The following MAPKBP1 variants were observed in gnomAD, a reference collection of about 807,000 sequenced individuals.
MAPKBP1 encodes the protein mitogen-activated protein kinase binding protein 1.
In MAPKBP1, 71 loss-of-function variants were observed where a neutral mutation model predicts 170.5. That is an observed-to-expected ratio of 0.42 (90% confidence interval 0.34 to 0.51). The LOEUF (loss-of-function observed/expected upper bound fraction) is 0.51, where lower values mean the gene tolerates loss of function less well. MAPKBP1 is among the 20% of genes least tolerant of loss of function. The pLI, the probability that MAPKBP1 is intolerant of heterozygous loss-of-function variation, is 0.06. For synonymous variants in MAPKBP1, 719 were observed against 757.9 expected, an observed-to-expected ratio of 0.95 and a Z score of 0.84; for missense variants, 1,598 against 1,933.0, an observed-to-expected ratio of 0.83 and a Z score of 3.25.
chr15:41,788,679 A>G (rs1318696886), intron 2 of MAPKBP1, among the ~76,000 whole-genome samples: 2 of 152,234 alleles, frequency 1.3e-5, no homozygotes, highest in Non-Finnish European at 2.9e-5. Context: ...AATAGTCCAG[A>G]TTGACAGATG....
rs2064062675 is a variant in MAPKBP1, at chr15:41,774,572, G to A, written c.-148G>A. ...TGAAATTGCCGAACGCGATGCCCGA[G>A]GGCGCTGTGAGCGGGGTGGCCTTAG... On this transcript the variant is annotated 5_prime_UTR_variant, in exon 1 of 31. Coordinates refer to ENST00000457542, the MANE Select transcript of MAPKBP1 (RefSeq NM_014994.3). 3 of 398,708 alleles carry A rather than the reference G, an allele frequency of 7.5e-6. No homozygotes were observed. The highest frequency in any genetic ancestry group is 8.8e-6 in the Non-Finnish European group (2 of 226,104). 24.7% of individuals were successfully genotyped at this position (398,708 alleles called of 1,614,324 possible). A position where few individuals can be genotyped will look rare whatever the true frequency, so the allele number is the denominator to read the frequency against.
At chr15:41,806,042 T>A (rs929487573) in intron 3 of MAPKBP1, among the ~76,000 whole-genome samples, 1 of 152,196 alleles carries the variant, frequency 6.6e-6, no homozygotes, top group African/African-American at 2.4e-5. Context: ...TTGCCCCTAG[T>A]GACTTGAAGA....
chr15:41,827,447 G>C lies in MAPKBP1; in HGVS notation c.*2011G>C, dbSNP rs1296483027. On this transcript the variant is annotated 3_prime_UTR_variant, in exon 31 of 31. Transcript: ENST00000457542. The stretch of plus-strand genomic sequence containing the variant: ...TGGAACTCCCGCGGCGGCGGGGGCG[G>C]GCCCGTGCCTGCTGTGCCCCGACTT... The C allele has an allele frequency of 6.6e-6, 1 of 152,124 alleles. No homozygotes were observed. Among genetic ancestry groups the C allele is most frequent in the African/African-American group, 2.4e-5 (1 of 41,356 alleles). 9.4% of individuals were successfully genotyped at this position (152,124 alleles called of 1,614,324 possible). A position where few individuals can be genotyped will look rare whatever the true frequency, so the allele number is the denominator to read the frequency against.
chr15:41,814,025 C>T (rs1224790834), intron 9 of MAPKBP1, among the ~76,000 whole-genome samples: 1 of 152,080 alleles, frequency 6.6e-6, no homozygotes, highest in Non-Finnish European at 1.5e-5. Context: ...TTTGGGTTTG[C>T]GTTGGGTGAT....
At position 41,821,975 on chromosome 15, in the gene MAPKBP1, G is replaced by A; in HGVS notation, c.2896G>A (p.Val966Met). 1 of 1,611,352 alleles carries A rather than the reference G, an allele frequency of 6.2e-7. No individual in the cohort carries two copies. The highest frequency in any genetic ancestry group is 8.5e-7 in the Non-Finnish European group (1 of 1,178,892). Residue 966 changes from valine to methionine, a missense_variant, in exon 25 of 31, where the codon GTG becomes ATG. Physicochemically the swap from Val to Met is conservative, Grantham distance 21. This residue lies in a region of MAPKBP1 where 942 missense variants were observed against 953.2 expected (regional missense o/e 0.99). Coordinates refer to ENST00000457542, the MANE Select transcript of MAPKBP1 (RefSeq NM_014994.3). ...NPTMDTSEFQ[V>M]QAPARGTLGR... ...CTGGAATCCTGACAGTGAGTTCCAAGTGCAGGCTCCAGCCCGGGGAACTCT... is the reference window on the plus strand; with the variant it reads ...CTGGAATCCTGACAGTGAGTTCCAAATGCAGGCTCCAGCCCGGGGAACTCT...
Position 41,821,549 on chromosome 15 carries a change from C to G in MAPKBP1, c.2719-35C>G, listed in dbSNP as rs906313879. 11 of 1,607,942 alleles carry G rather than the reference C, an allele frequency of 6.8e-6. No homozygotes were observed. In the African/African-American group the frequency reaches 1.5e-4, roughly 22 times the overall value. ...CAGCTACCACTGCCTCATCTGTCAC[C>G]TCTGCTCTGTTAACATCCCTTTGTG... On this transcript the variant is annotated intron_variant, in intron 23 of 30. Transcript: ENST00000457542.
rs765528665 is a variant in MAPKBP1, at chr15:41,819,547, C to CACGG, written c.2426-48_2426-47insACGG. On this transcript the variant is annotated intron_variant, in intron 21 of 30. Coordinates refer to ENST00000457542, the MANE Select transcript of MAPKBP1 (RefSeq NM_014994.3). ...GGGCCAGGGCTCCAGGGTTGGGTGG[C>CACGG]GGGGGGGGGGCAGGAGACACTTCCT... 5 of 1,235,874 alleles carry CACGG rather than the reference C, an allele frequency of 4.0e-6. No individual in the cohort carries two copies. The African/African-American group carries it at 7.4e-5, about 18-fold the overall frequency. The allele number at this position is 1,235,874 out of a possible 1,614,324, so 76.6% of individuals were successfully genotyped here. A position where few individuals can be genotyped will look rare whatever the true frequency, so the allele number is the denominator to read the frequency against.
intron 2 of MAPKBP1, among the ~76,000 whole-genome samples, chr15:41,786,777 A>AAAAATATATATATATATATATATATATAT: frequency 3.1e-5 from 1 of 32,470 alleles, no homozygotes; most frequent in African/African-American, 1.3e-4. Context: ...AAAAAAAAAA[A>AAAAATATATATATATATATATATATATAT]ATATATATAT....
chr15:41,789,564 C>T (rs544007577), intron 2 of MAPKBP1, among the ~76,000 whole-genome samples: 1 of 152,270 alleles, frequency 6.6e-6, no homozygotes, highest in East Asian at 1.9e-4. Flanking sequence ...GCTTCTCCTG[C>T]TTCTGACCCT....
Position 41,775,309 on chromosome 15 carries a change from A to C in MAPKBP1, c.34A>C (p.Ile12Leu). The change falls in exon 2 of 31, where the codon ATC becomes CTC. Residue 12 changes from isoleucine (I) to leucine (L), a missense_variant. Physicochemically the swap from Ile to Leu is conservative, Grantham distance 5. Around this residue, in one of 6 missense-constraint regions of MAPKBP1, gnomAD observed 151 missense variants for 191.4 expected, o/e 0.79. Transcript: ENST00000457542. ...AVEGSTITSR[I>L]KNLLRSPSIK... Reference sequence around the variant, plus strand: ...GGAAGGGTCAACCATTACCAGCCGGATCAAGAATCTGTTGAGATCTCCATC... The same window carrying C: ...GGAAGGGTCAACCATTACCAGCCGGCTCAAGAATCTGTTGAGATCTCCATC... 6.2e-7 allele frequency: 1 copy of C among 1,614,144 alleles called. No individual in the cohort carries two copies. The highest frequency in any genetic ancestry group is 8.5e-7 in the Non-Finnish European group (1 of 1,180,024).
chr15:41,815,564 C>T, intron 11 of MAPKBP1, 60 bp from the exon 12 acceptor site: 1 of 1,565,762 alleles, frequency 6.4e-7, no homozygotes, highest in Non-Finnish European at 8.7e-7. Context: ...AGCTTTCTTG[C>T]CCCTTGCAGC....
At chr15:41,816,302 A>G (rs1217939174) in intron 12 of MAPKBP1, 2 of 484,026 alleles carry the variant, frequency 4.1e-6, no homozygotes, top group African/African-American at 1.9e-5. Flanking sequence ...TGAAATTTGA[A>G]TAAGGTCTCT....
In MAPKBP1 at chr15:41,818,229, C is replaced by T; in HGVS notation, c.2016C>T (p.Thr672=). 6.2e-7 allele frequency: 1 copy of T among 1,614,160 alleles called. No homozygotes were observed. Among genetic ancestry groups the T allele is most frequent in the Non-Finnish European group, 8.5e-7 (1 of 1,180,024 alleles). Residue 672 remains threonine, a synonymous_variant, in exon 18 of 31, where the codon ACC becomes ACT. Transcript: ENST00000457542. The surrounding 1 kb of genome is among the most constrained non-coding windows in gnomAD (Gnocchi z 5.2). ...ACCCCTCAGGGATCTACATTGCCAC[C>T]AGCTGTTCTGACAAGAATCTCTCCA... ...QTDPSGIYIA[T]SCSDKNLSIF... is the part of the protein sequence containing the mutation.
At chr15:41,813,880 C>T in intron 9 of MAPKBP1, 99 bp downstream of exon 9, 1 of 1,351,264 alleles carries the variant, frequency 7.4e-7, no homozygotes, top group Non-Finnish European at 1.0e-6. Context: ...GTATTGATGC[C>T]CCAAAGATTA....
At chr15:41,778,369 G>C (rs561115422) in intron 2 of MAPKBP1, among the ~76,000 whole-genome samples, 3 of 152,206 alleles carry the variant, frequency 2.0e-5, no homozygotes, top group African/African-American at 2.4e-5. Context: ...AGAAGTCCAC[G>C]TATGCAGAAA....
At chr15:41,803,009 A>ATTATG (rs1469368511) in intron 3 of MAPKBP1, among the ~76,000 whole-genome samples, 2 of 152,186 alleles carry the variant, frequency 1.3e-5, no homozygotes, top group Non-Finnish European at 2.9e-5. Context: ...TATGTGACGT[A>ATTATG]TGACTGTACT....
chr15:41,817,085 C>T lies in MAPKBP1; in HGVS notation c.1711+50C>T, dbSNP rs751141467. ...ATCCTGCCACTCTCACCCCTGCTGC[C>T]ATCTGCCTCCCACCTCCATGAGAAG... On this transcript the variant is annotated intron_variant, in intron 14 of 30. Coordinates refer to ENST00000457542, the MANE Select transcript of MAPKBP1 (RefSeq NM_014994.3). The surrounding 1 kb of genome is among the most constrained non-coding windows in gnomAD (Gnocchi z 4.2). The T allele has an allele frequency of 2.6e-6, 4 of 1,535,508 alleles. No homozygotes were observed. The Admixed American group carries it at 5.9e-5, about 23-fold the overall frequency.
In MAPKBP1 at chr15:41,820,902, G is replaced by A; in HGVS notation, c.2552G>A (p.Trp851Ter). Reference sequence around the variant, plus strand: ...CCAGGACCCAGAAGAAGAGGGCGCTGGGTTCAGCCAGGTGTGGAACTGAGC... The same window carrying A: ...CCAGGACCCAGAAGAAGAGGGCGCTAGGTTCAGCCAGGTGTGGAACTGAGC... ...ANPGPRRRGR[W>*]VQPGVELSVR... The change falls in exon 23 of 31, where the codon TGG becomes TAG. Residue 851 changes from tryptophan (W) to a stop codon, truncating the protein, a stop_gained. Coordinates refer to ENST00000457542, the MANE Select transcript of MAPKBP1 (RefSeq NM_014994.3). LOFTEE classifies it high-confidence loss of function. 3 of 1,614,168 alleles carry A rather than the reference G, an allele frequency of 1.9e-6. No individual in the cohort carries two copies. Among genetic ancestry groups the A allele is most frequent in the Non-Finnish European group, 2.5e-6 (3 of 1,180,012 alleles).
intron 2 of MAPKBP1, among the ~76,000 whole-genome samples, chr15:41,787,226 T>A (rs1312007835): frequency 2.0e-5 from 3 of 152,170 alleles, no homozygotes; most frequent in African/African-American, 7.2e-5. Context: ...TCTGAAAAGA[T>A]TTGTTACAAC....
Sources: allele counts gnomAD v4.1 joint callset (sites outside exome capture counted in the v4.1 genomes callset), GRCh38; gene constraint gnomAD v4.1.1; regional missense constraint gnomAD v4.1.1; non-coding constraint Gnocchi (gnomAD v3.1); transcripts MANE v1.5; gene names NCBI Gene and HGNC (gene_info 2026-07-23, HGNC 2026-07-21).